The following SMYD3 variants were observed in gnomAD, a reference collection of about 807,000 sequenced individuals.
SMYD3 encodes the protein histone-lysine N-methyltransferase SMYD3.
In SMYD3, 36 loss-of-function variants were observed where a neutral mutation model predicts 57.7. The ratio of observed to expected loss-of-function variants is 0.62; its 90% CI spans 0.48 to 0.82. The LOEUF (loss-of-function observed/expected upper bound fraction) is 0.82, where lower values mean the gene tolerates loss of function less well. SMYD3 is among the 40% of genes least tolerant of loss of function. The pLI is 0.00. For missense variants in SMYD3, 515 were observed against 538.8 expected (o/e 0.96, Z 0.44); for synonymous variants, 211 against 195.0 (o/e 1.08, Z -0.68).
chr1:246,262,877 T>C (rs574528427), intron 5 of SMYD3, among the ~76,000 whole-genome samples: 6 of 152,346 alleles, frequency 3.9e-5, no homozygotes, highest in Admixed American at 2.6e-4. Flanking sequence ...TCATTGATTA[T>C]AGACATCTAG....
chr1:246,324,811 T>C (rs1438214761), intron 5 of SMYD3, among the ~76,000 whole-genome samples: 3 of 151,178 alleles, frequency 2.0e-5, no homozygotes, highest in South Asian at 4.2e-4. Context: ...AGAGGAGCAG[T>C]AGACTGGGAT....
intron 5 of SMYD3, among the ~76,000 whole-genome samples, chr1:246,212,191 T>G (rs1416457028): frequency 1.3e-5 from 2 of 152,040 alleles, no homozygotes; most frequent in Non-Finnish European, 2.9e-5. Flanking sequence ...ACAAAACTTT[T>G]AAATATGCAA....
intron 2 of SMYD3, among the ~76,000 whole-genome samples, chr1:246,340,587 G>A (rs578237311): frequency 1.8e-4 from 27 of 152,212 alleles, no homozygotes; most frequent in African/African-American, 6.0e-4. Flanking sequence ...TCTAGGATTT[G>A]GGGAAATAGG....
intron 5 of SMYD3, among the ~76,000 whole-genome samples, chr1:246,098,671 T>C (rs76397141): frequency 0.015 from 2,216 of 152,330 alleles, 55 homozygotes; most frequent in African/African-American, 0.051. Flanking sequence ...ATTATGTTCA[T>C]CACTTAGAAT....
chr1:246,183,227 C>T (rs150141197), intron 5 of SMYD3, among the ~76,000 whole-genome samples: 1 of 152,036 alleles, frequency 6.6e-6, no homozygotes, highest in African/African-American at 2.4e-5. Flanking sequence ...TGCATGTAAA[C>T]GAGGCAGTTT....
In SMYD3 at chr1:246,150,999, G is replaced by C. The variant is rs371364600; in HGVS notation, c.531+176202C>G. ...GCAGTGGCTCACGCCTGTAATCCCA[G>C]CACTTTGGGAGGTCGAGGCGGGTGG... On this transcript the variant is annotated intron_variant, in intron 5 of 11. Coordinates refer to ENST00000490107, the MANE Select transcript of SMYD3 (RefSeq NM_001167740.2). 8.5e-5 allele frequency among the ~76,000 whole-genome samples: 13 copies of C among 152,342 alleles called. 1 individual carries two copies. In the South Asian group the frequency reaches 2.7e-3, roughly 32 times the overall value.
chr1:246,432,928 A>T (rs985542310), intron 1 of SMYD3, among the ~76,000 whole-genome samples: 2 of 152,202 alleles, frequency 1.3e-5, no homozygotes, highest in African/African-American at 4.8e-5. Flanking sequence ...TCTATCCTAG[A>T]TCAATAGATA....
chr1:245,753,391 AAGT>A (rs555058421), intron 11 of SMYD3, among the ~76,000 whole-genome samples: 24 of 152,332 alleles, frequency 1.6e-4, no homozygotes, highest in Admixed American at 1.5e-3. Flanking sequence ...GAGAAGAAAG[AAGT>A]AGGATTCAGT....
At chr1:245,953,669 T>G (rs2057737989) in intron 5 of SMYD3, among the ~76,000 whole-genome samples, 2 of 152,310 alleles carry the variant, frequency 1.3e-5, no homozygotes, top group East Asian at 3.9e-4. Flanking sequence ...TACACCAGCC[T>G]TGTCCTCCCA....
At position 246,090,519 on chromosome 1, in the gene SMYD3, TC is replaced by T. The variant is rs753216754; in HGVS notation, c.532-160583del. The stretch of plus-strand genomic sequence containing the variant: ...AGAGAGAGCTGTTTTTCTTTCTCTC[TC>T]TCTTTTTTTTTTTTTTAGATGGAGT... On this transcript the variant is annotated intron_variant, in intron 5 of 11. Coordinates refer to ENST00000490107, the MANE Select transcript of SMYD3 (RefSeq NM_001167740.2). 2.0e-3 allele frequency among the ~76,000 whole-genome samples: 63 copies of T among 31,744 alleles called. 12 individuals are homozygous for T. Among genetic ancestry groups the T allele is most frequent in the Admixed American group, 5.0e-3 (9 of 1,804 alleles). 20.8% of individuals were successfully genotyped at this position (31,744 alleles called of 152,430 possible). A position where few individuals can be genotyped will look rare whatever the true frequency, so the allele number is the denominator to read the frequency against.
At position 245,873,806 on chromosome 1, in the gene SMYD3, T is replaced by C. The variant is rs192343751; in HGVS notation, c.814-9920A>G. Reference sequence around the variant, plus strand: ...TGATTTGGGTTCTGTGCTGTTGGCATGTAAGACTGTGTGACAGGCAGCACT... The same window carrying C: ...TGATTTGGGTTCTGTGCTGTTGGCACGTAAGACTGTGTGACAGGCAGCACT... On this transcript the variant is annotated intron_variant, in intron 8 of 11. Coordinates refer to ENST00000490107, the MANE Select transcript of SMYD3 (RefSeq NM_001167740.2). Among the ~76,000 whole-genome samples, 56 of 152,310 alleles carry C rather than the reference T, an allele frequency of 3.7e-4. 1 individual carries two copies. Among genetic ancestry groups the C allele is most frequent in the Admixed American group, 3.6e-3 (55 of 15,310 alleles).
chr1:245,884,810 G>GTAAAATGGACCAATCAGCACTCTA (rs2052994096), intron 8 of SMYD3, among the ~76,000 whole-genome samples: 1 of 151,422 alleles, frequency 6.6e-6, no homozygotes, highest in Non-Finnish European at 1.5e-5. Flanking sequence ...TCAGCACTCT[G>GTAAAATGGACCAATCAGCACTCTA]TAAAATGGCC....
chr1:246,356,320 T>A (rs1044232286), intron 1 of SMYD3, among the ~76,000 whole-genome samples: 3 of 152,130 alleles, frequency 2.0e-5, no homozygotes, highest in South Asian at 2.1e-4. Flanking sequence ...ATGTCTCCCC[T>A]CTGACACAGT....
At position 246,166,901 on chromosome 1, in the gene SMYD3, A is replaced by G. The variant is rs548237811; in HGVS notation, c.531+160300T>C. 2.6e-5 allele frequency among the ~76,000 whole-genome samples: 4 copies of G among 152,358 alleles called. No individual in the cohort carries two copies. The South Asian group carries it at 6.2e-4, about 24-fold the overall frequency. Reference sequence around the variant, plus strand: ...AGCTCCAAAACATTTGTATCACTACAGAGGAAAACTCGATACCCACTGAAG... The same window carrying G: ...AGCTCCAAAACATTTGTATCACTACGGAGGAAAACTCGATACCCACTGAAG... On this transcript the variant is annotated intron_variant, in intron 5 of 11. Transcript: ENST00000490107.
intron 1 of SMYD3, among the ~76,000 whole-genome samples, chr1:246,494,551 T>C (rs929744266): frequency 3.5e-4 from 53 of 152,286 alleles, no homozygotes; most frequent in African/African-American, 1.3e-3. Flanking sequence ...GATGCTTAAG[T>C]TTTCACCACT....
Position 246,108,072 on chromosome 1 carries a change from G to A in SMYD3, c.532-178135C>T, listed in dbSNP as rs187863758. Among the ~76,000 whole-genome samples, 6 of 152,226 alleles carry A rather than the reference G, an allele frequency of 3.9e-5. No individual in the cohort carries two copies. The East Asian group carries it at 5.8e-4, about 15-fold the overall frequency. On this transcript the variant is annotated intron_variant, in intron 5 of 11. Coordinates refer to ENST00000490107, the MANE Select transcript of SMYD3 (RefSeq NM_001167740.2). ...TTGGCCATAAAATGAAAATTATAAC[G>A]GACTTACAGAGCTCGTCTTCTTTGG...
At chr1:246,105,580 G>A (rs567109186) in intron 5 of SMYD3, among the ~76,000 whole-genome samples, 1 of 152,206 alleles carries the variant, frequency 6.6e-6, no homozygotes, top group South Asian at 2.1e-4. Context: ...TCTACAATTT[G>A]GAAAGAAAGA....
chr1:246,231,108 T>C (rs1325172451), intron 5 of SMYD3, among the ~76,000 whole-genome samples: 1 of 152,234 alleles, frequency 6.6e-6, no homozygotes, highest in Non-Finnish European at 1.5e-5. Context: ...GTGTGGGTTA[T>C]TGCTAAGCAT....
intron 1 of SMYD3, among the ~76,000 whole-genome samples, chr1:246,375,882 A>G (rs2066268114): frequency 6.6e-6 from 1 of 151,976 alleles, no homozygotes; most frequent in African/African-American, 2.4e-5. Flanking sequence ...GGTGTGCACC[A>G]CCACGCCTGG....
Sources: allele counts gnomAD v4.1 joint callset (sites outside exome capture counted in the v4.1 genomes callset), GRCh38; gene constraint gnomAD v4.1.1; transcripts MANE v1.5; gene names NCBI Gene and HGNC (gene_info 2026-07-23, HGNC 2026-07-21).